Variants in ARHGAP15 observed in about 807,000 individuals in gnomAD.
ARHGAP15 encodes the protein rho GTPase-activating protein 15.
In ARHGAP15, 51 loss-of-function variants were observed where a neutral mutation model predicts 63.7. That is an observed-to-expected ratio of 0.80 (90% CI 0.64 to 1.01). The LOEUF (loss-of-function observed/expected upper bound fraction) is 1.01, where lower values mean the gene tolerates loss of function less well. ARHGAP15 is among the 50% of genes least tolerant of loss of function. ARHGAP15 has a pLI of 0.00. For missense variants in ARHGAP15, 560 were observed against 564.6 expected, an observed-to-expected ratio of 0.99 and a Z score of 0.08; for synonymous variants, 191 against 193.8, an observed-to-expected ratio of 0.99 and a Z score of 0.12.
intron 6 of ARHGAP15, among the ~76,000 whole-genome samples, chr2:143,420,705 C>T (rs1200854831): frequency 2.0e-5 from 3 of 152,140 alleles, no homozygotes; most frequent in African/African-American, 4.8e-5. Context: ...GATATCCTAT[C>T]AGGTATCTGC....
intron 6 of ARHGAP15, among the ~76,000 whole-genome samples, chr2:143,281,152 C>T (rs781007039): frequency 2.6e-5 from 4 of 152,096 alleles, no homozygotes; most frequent in African/African-American, 4.8e-5. Flanking sequence ...TGGTAAAAGA[C>T]AGGCCCAGAG....
chr2:143,653,431 A>G (rs1205538204), intron 12 of ARHGAP15, among the ~76,000 whole-genome samples: 1 of 152,160 alleles, frequency 6.6e-6, no homozygotes, highest in Non-Finnish European at 1.5e-5. Context: ...AATTTTAACT[A>G]GAAATTCAAT....
At chr2:143,479,319 C>A (rs868219306) in intron 8 of ARHGAP15, among the ~76,000 whole-genome samples, 1 of 151,518 alleles carries the variant, frequency 6.6e-6, no homozygotes, top group Non-Finnish European at 1.5e-5. Context: ...GGAATTACCA[C>A]GCCTACAACT....
At chr2:143,354,365 C>T (rs1283970912) in intron 6 of ARHGAP15, among the ~76,000 whole-genome samples, 1 of 152,032 alleles carries the variant, frequency 6.6e-6, no homozygotes, top group East Asian at 1.9e-4. Flanking sequence ...CCCTAAGAGC[C>T]CTAAAAGTAT....
At chr2:143,239,101 G>A (rs1693763891) in intron 5 of ARHGAP15, among the ~76,000 whole-genome samples, 1 of 151,944 alleles carries the variant, frequency 6.6e-6, no homozygotes, top group Non-Finnish European at 1.5e-5. Flanking sequence ...ATTGGTGATG[G>A]GATGATCTGT....
intron 11 of ARHGAP15, among the ~76,000 whole-genome samples, chr2:143,579,980 C>A (rs1437695785): frequency 7.1e-6 from 1 of 141,178 alleles, no homozygotes; most frequent in South Asian, 2.4e-4. Flanking sequence ...CTTAATAAAA[C>A]AAATGTTTCT....
In ARHGAP15 at chr2:143,518,907, C is replaced by T. The variant is rs1693938549; in HGVS notation, c.827-359C>T. The T allele has an allele frequency of 4.2e-5, 7 of 165,958 alleles. No homozygotes were observed. In the South Asian group the frequency reaches 1.1e-3, roughly 26 times the overall value. The allele number at this position is 165,958 out of a possible 1,614,324, so 10.3% of individuals were successfully genotyped here. On this transcript the variant is annotated intron_variant, in intron 9 of 13. Coordinates refer to ENST00000295095, the MANE Select transcript of ARHGAP15 (RefSeq NM_018460.4). ...GTAACCATTAACTGGTAAACTTCTT[C>T]TAAAACACTCAGTATACCAAAGACA... is the stretch of plus-strand genomic sequence containing the variant.
chr2:143,476,220 A>G (rs1341559854), intron 8 of ARHGAP15, among the ~76,000 whole-genome samples: 2 of 152,160 alleles, frequency 1.3e-5, no homozygotes, highest in Admixed American at 6.5e-5. Context: ...AGCCTGAGCT[A>G]TGGTCCCCTA....
At chr2:143,562,649 T>C (rs1363993135) in intron 11 of ARHGAP15, among the ~76,000 whole-genome samples, 1 of 152,224 alleles carries the variant, frequency 6.6e-6, no homozygotes, top group Non-Finnish European at 1.5e-5. Context: ...AAAGATCACT[T>C]GATCATAAAA....
intron 13 of ARHGAP15, among the ~76,000 whole-genome samples, chr2:143,735,167 C>T (rs1685697122): frequency 6.6e-6 from 1 of 152,108 alleles, no homozygotes; most frequent in Non-Finnish European, 1.5e-5. Flanking sequence ...TATTTATAAG[C>T]CATGGTTTCT....
chr2:143,678,087 CTG>C (rs1452104737), intron 12 of ARHGAP15, among the ~76,000 whole-genome samples: 6 of 152,230 alleles, frequency 3.9e-5, no homozygotes, highest in Admixed American at 3.3e-4. Context: ...TGGTGCATGA[CTG>C]TAATCCAGCT....
chr2:143,409,225 T>C (rs1014960142), intron 6 of ARHGAP15, among the ~76,000 whole-genome samples: 1 of 151,930 alleles, frequency 6.6e-6, no homozygotes, highest in African/African-American at 2.4e-5. Flanking sequence ...CATTGACACA[T>C]ATATCATACA....
intron 9 of ARHGAP15, among the ~76,000 whole-genome samples, chr2:143,502,996 C>CGA (rs1693138774): frequency 6.6e-6 from 1 of 151,950 alleles, no homozygotes; most frequent in Non-Finnish European, 1.5e-5. Context: ...GATCAGAGAT[C>CGA]TGCTAGAGAG....
At chr2:143,710,876 C>G (rs2105440337) in intron 13 of ARHGAP15, among the ~76,000 whole-genome samples, 1 of 152,296 alleles carries the variant, frequency 6.6e-6, no homozygotes, top group African/African-American at 2.4e-5. Context: ...CCCTTTTGTT[C>G]AGGTGTTAAT....
chr2:143,461,751 G>A (rs1456027062), intron 8 of ARHGAP15, among the ~76,000 whole-genome samples: 1 of 152,170 alleles, frequency 6.6e-6, no homozygotes. Flanking sequence ...AACCGTAGGT[G>A]CTAATCCTGT....
intron 6 of ARHGAP15, among the ~76,000 whole-genome samples, chr2:143,302,593 G>A (rs1411360160): frequency 6.6e-6 from 1 of 151,956 alleles, no homozygotes; most frequent in East Asian, 1.9e-4. Context: ...GACAAAAGTT[G>A]TCTAAAAGCA....
intron 6 of ARHGAP15, among the ~76,000 whole-genome samples, chr2:143,399,219 A>G (rs1263396006): frequency 2.0e-5 from 3 of 152,038 alleles, no homozygotes; most frequent in Admixed American, 6.6e-5. Context: ...GAGGCTGACT[A>G]TGGAGGTTTG....
chr2:143,553,507 G>T (rs542967064), intron 10 of ARHGAP15, among the ~76,000 whole-genome samples: 6 of 152,336 alleles, frequency 3.9e-5, no homozygotes, highest in African/African-American at 7.2e-5. Flanking sequence ...TTTCTCTGCT[G>T]TGACTCAGGT....
chr2:143,318,730 A>G (rs1214901096), intron 6 of ARHGAP15, among the ~76,000 whole-genome samples: 1 of 152,026 alleles, frequency 6.6e-6, no homozygotes, highest in Non-Finnish European at 1.5e-5. Flanking sequence ...AAATGACATA[A>G]TCTAAGTTAA....
Sources: allele counts gnomAD v4.1 joint callset (sites outside exome capture counted in the v4.1 genomes callset), GRCh38; gene constraint gnomAD v4.1.1; transcripts MANE v1.5; gene names NCBI Gene and HGNC (gene_info 2026-07-23, HGNC 2026-07-21).